The following CAMTA1 variants were observed in gnomAD, a reference collection of about 807,000 sequenced individuals.
The protein encoded by CAMTA1 is calmodulin-binding transcription activator 1.
CAMTA1 carries 27 observed loss-of-function variants against 170.9 expected under a neutral mutation model. That is an observed-to-expected ratio of 0.16 (90% CI 0.12 to 0.22). CAMTA1 has a LOEUF of 0.22. Ranked by LOEUF, CAMTA1 falls within the 10% of genes least tolerant of loss-of-function variation. The pLI is 1.00. For missense variants in CAMTA1, 1,619 were observed against 2,217.2 expected (o/e 0.73, Z 5.42); for synonymous variants, 833 against 891.5 (o/e 0.93, Z 1.17).
chr1:7,508,090 C>T (rs958316492), intron 6 of CAMTA1, among the ~76,000 whole-genome samples: 16 of 152,240 alleles, frequency 1.1e-4, no homozygotes, highest in Admixed American at 3.3e-4. Flanking sequence ...AAATCGGTTC[C>T]GTACCCTGAG....
intron 4 of CAMTA1, among the ~76,000 whole-genome samples, chr1:7,174,492 G>A (rs1650341412): frequency 6.6e-6 from 1 of 152,204 alleles, no homozygotes; most frequent in African/African-American, 2.4e-5. Flanking sequence ...GAGAGAAGAG[G>A]TAACCGAAAC....
intron 6 of CAMTA1, among the ~76,000 whole-genome samples, chr1:7,621,746 G>A (rs1222532104): frequency 6.6e-6 from 1 of 152,200 alleles, no homozygotes; most frequent in Non-Finnish European, 1.5e-5. Context: ...GAGGGATGGA[G>A]ACGTCTGTGC....
At chr1:7,070,094 C>T (rs889809715) in intron 3 of CAMTA1, among the ~76,000 whole-genome samples, 2 of 152,160 alleles carry the variant, frequency 1.3e-5, no homozygotes, top group East Asian at 1.9e-4. Flanking sequence ...TGGAGCAGGA[C>T]GGGCTTTTCT....
intron 3 of CAMTA1, among the ~76,000 whole-genome samples, chr1:6,988,641 C>T (rs1046581095): frequency 5.3e-5 from 8 of 151,540 alleles, no homozygotes; most frequent in Non-Finnish European, 1.0e-4. Context: ...CTTTCTCCAT[C>T]CTTCAGGTTG....
At chr1:7,346,930 A>T (rs1470695131) in intron 5 of CAMTA1, among the ~76,000 whole-genome samples, 3 of 152,194 alleles carry the variant, frequency 2.0e-5, no homozygotes, top group African/African-American at 7.2e-5. Flanking sequence ...CAACTGTCAC[A>T]GACTGAAGGG....
At chr1:7,078,548 A>G (rs780000131) in intron 3 of CAMTA1, among the ~76,000 whole-genome samples, 6 of 152,200 alleles carry the variant, frequency 3.9e-5, no homozygotes, top group East Asian at 3.9e-4. Flanking sequence ...TAGGCTGGCT[A>G]TGTCCTTCAT....
Position 7,673,918 on chromosome 1 carries a change from G to A in CAMTA1, c.2779+2881G>A, listed in dbSNP as rs983000607. Among the ~76,000 whole-genome samples the A allele has an allele frequency of 6.6e-6, 1 of 152,204 alleles. No homozygotes were observed. The highest frequency in any genetic ancestry group is 1.5e-5 in the Non-Finnish European group (1 of 68,046). On this transcript the variant is annotated intron_variant, in intron 10 of 22. Coordinates refer to ENST00000303635, the MANE Select transcript of CAMTA1 (RefSeq NM_015215.4). This position sits in a 1 kb window ranked among gnomAD's most constrained non-coding sequence, Gnocchi z 4.6. The stretch of plus-strand genomic sequence containing the variant: ...CTTCTCACCGGGCCCCTGATCGTAA[G>A]GGGCTCTCGGTCCAGGGAGGAGTGC...
intron 3 of CAMTA1, among the ~76,000 whole-genome samples, chr1:7,003,992 C>T (rs1698617353): frequency 6.6e-6 from 1 of 152,206 alleles, no homozygotes; most frequent in Non-Finnish European, 1.5e-5. Flanking sequence ...CCACTTTAAA[C>T]TGTAAGCTGT....
At chr1:7,087,695 T>C (rs1640926077) in intron 3 of CAMTA1, among the ~76,000 whole-genome samples, 1 of 152,210 alleles carries the variant, frequency 6.6e-6, no homozygotes, top group Non-Finnish European at 1.5e-5. Context: ...TTTCCACACC[T>C]GTAAAGTGGC....
intron 3 of CAMTA1, among the ~76,000 whole-genome samples, chr1:6,857,480 G>T (rs976235483): frequency 1.3e-5 from 2 of 152,230 alleles, no homozygotes; most frequent in African/African-American, 4.8e-5. Flanking sequence ...CAAAGCAGTT[G>T]CAGTGAAAGT....
intron 4 of CAMTA1, among the ~76,000 whole-genome samples, chr1:7,235,924 T>C (rs925511468): frequency 4.6e-5 from 7 of 152,186 alleles, no homozygotes; most frequent in Admixed American, 3.3e-4. Context: ...TCCTTGTCCT[T>C]ATTATTCGTA....
chr1:7,079,964 T>C (rs1272138142), intron 3 of CAMTA1, among the ~76,000 whole-genome samples: 1 of 152,228 alleles, frequency 6.6e-6, no homozygotes, highest in Non-Finnish European at 1.5e-5. Flanking sequence ...TACATGGTCC[T>C]GGAAATTGTT....
intron 5 of CAMTA1, among the ~76,000 whole-genome samples, chr1:7,452,578 A>C (rs2092852710): frequency 6.6e-6 from 1 of 152,078 alleles, no homozygotes; most frequent in African/African-American, 2.4e-5. Context: ...CTGACCCTAT[A>C]GGTTGACCTC....
chr1:6,863,552 C>T (rs1349228170), intron 3 of CAMTA1, among the ~76,000 whole-genome samples: 1 of 152,236 alleles, frequency 6.6e-6, no homozygotes, highest in Non-Finnish European at 1.5e-5. Context: ...ATTTTCCTCC[C>T]ACGTCCCCTT....
At chr1:7,640,198 G>A (rs1357404818) in intron 6 of CAMTA1, among the ~76,000 whole-genome samples, 1 of 152,136 alleles carries the variant, frequency 6.6e-6, no homozygotes, top group African/African-American at 2.4e-5. Context: ...GTGGGTAGAG[G>A]CCAGCGAGTC....
chr1:7,461,271 T>C (rs2093081923), intron 5 of CAMTA1, among the ~76,000 whole-genome samples: 1 of 152,128 alleles, frequency 6.6e-6, no homozygotes, highest in African/African-American at 2.4e-5. Flanking sequence ...TCCTCATCCC[T>C]TGAAGCCCTG....
chr1:7,645,272 A>G (rs1471021068), intron 7 of CAMTA1, among the ~76,000 whole-genome samples: 1 of 152,226 alleles, frequency 6.6e-6, no homozygotes, highest in Non-Finnish European at 1.5e-5. Context: ...CTAAACTGCC[A>G]TGCCCCAAAC....
At chr1:7,449,105 G>T (rs1027322938) in intron 5 of CAMTA1, among the ~76,000 whole-genome samples, 1 of 152,212 alleles carries the variant, frequency 6.6e-6, no homozygotes, top group East Asian at 1.9e-4. Flanking sequence ...GGTGGCTGGC[G>T]GTTTGCACAT....
chr1:6,984,092 G>GAGT lies in CAMTA1; in HGVS notation c.235-107212_235-107211insAGT, dbSNP rs1277091112. ...TGGATGGGTGGATAGATGGATGGGTGGGTGGGTGAATAGATGGGTTGGTAG... is the reference window on the plus strand; with the variant it reads ...TGGATGGGTGGATAGATGGATGGGTGAGTGGTGGGTGAATAGATGGGTTGGTAG... On this transcript the variant is annotated intron_variant, in intron 3 of 22. Coordinates refer to ENST00000303635, the MANE Select transcript of CAMTA1 (RefSeq NM_015215.4). Among the ~76,000 whole-genome samples the GAGT allele has an allele frequency of 1.3e-5, 2 of 151,330 alleles. 1 individual carries two copies. The highest frequency in any genetic ancestry group is 4.9e-5 in the African/African-American group (2 of 41,078).
Sources: gnomAD v4.1 joint callset for allele counts (sites outside exome capture counted in the v4.1 genomes callset) on GRCh38, gnomAD v4.1.1 for gene constraint, Gnocchi (gnomAD v3.1) non-coding constraint, MANE v1.5 for transcripts, NCBI Gene and HGNC (gene_info 2026-07-23, HGNC 2026-07-21) for gene names.